Variants in C1orf185 observed in about 807,000 individuals in gnomAD.
The protein encoded by C1orf185 is uncharacterized protein C1orf185.
In C1orf185, 13 loss-of-function variants were observed where a neutral mutation model predicts 16.1. The ratio of observed to expected loss-of-function variants is 0.81; its 90% CI spans 0.53 to 1.28. The LOEUF (loss-of-function observed/expected upper bound fraction) is 1.28. Ranked by LOEUF, C1orf185 falls within the 50% of genes most tolerant of loss-of-function variation. The pLI is 0.00. For missense variants in C1orf185, 220 were observed against 225.2 expected, an observed-to-expected ratio of 0.98 and a Z score of 0.15; for synonymous variants, 80 against 76.9, an observed-to-expected ratio of 1.04 and a Z score of -0.21.
chr1:51,149,975 G>A (rs1380705555), downstream of C1orf185, among the ~76,000 whole-genome samples: 4 of 152,098 alleles, frequency 2.6e-5, no homozygotes, highest in South Asian at 4.1e-4. Context: ...CCACAGTCCC[G>A]AAGGCCTAGC....
rs35232347 is a variant in C1orf185 at position 51,111,370 on chromosome 1, C to CTTTTTTTTTTTTTTTTTTTTTTTTTT, written c.17-1091_17-1090insTTTTTTTTTTTTTTTTTTTTTTTTTT. 5.9e-4 allele frequency among the ~76,000 whole-genome samples: 67 copies of CTTTTTTTTTTTTTTTTTTTTTTTTTT among 114,402 alleles called. 6 individuals carry two copies. Among genetic ancestry groups the CTTTTTTTTTTTTTTTTTTTTTTTTTT allele is most frequent in the African/African-American group, 9.1e-4 (25 of 27,348 alleles). The allele number at this position is 114,402 out of a possible 152,430, so 75.1% of individuals were successfully genotyped here. A position where few individuals can be genotyped will look rare whatever the true frequency, so the allele number is the denominator to read the frequency against. On this transcript the variant is annotated intron_variant, in intron 1 of 4. Transcript: ENST00000371759. The stretch of plus-strand genomic sequence containing the variant: ...ATATTGCTTTCATTTAGCTTTCTTT[C>CTTTTTTTTTTTTTTTTTTTTTTTTTT]TTTCTTTTTTTTTTTTTTTGAGAGA...
chr1:51,121,520 GA>G (rs937188679), intron 3 of C1orf185, among the ~76,000 whole-genome samples: 10 of 151,760 alleles, frequency 6.6e-5, no homozygotes, highest in South Asian at 2.1e-4. Context: ...ACTAGAATAA[GA>G]AAAAAAATAG....
intron 3 of C1orf185, among the ~76,000 whole-genome samples, chr1:51,126,284 G>T (rs1429490263): frequency 3.3e-5 from 5 of 152,084 alleles, no homozygotes; most frequent in Non-Finnish European, 7.4e-5. Flanking sequence ...ATTTTTTTGA[G>T]ACAGGGTCTT....
chr1:51,111,318 G>A (rs72892454), intron 1 of C1orf185, among the ~76,000 whole-genome samples: 11,350 of 145,892 alleles, frequency 0.078, 1,303 homozygotes, highest in African/African-American at 0.25. Flanking sequence ...TTTTCCAATT[G>A]TAAAATTGGT....
intron 3 of C1orf185, among the ~76,000 whole-genome samples, chr1:51,119,445 A>C (rs1557645768): frequency 6.6e-6 from 1 of 152,236 alleles, no homozygotes; most frequent in South Asian, 2.1e-4. Flanking sequence ...TCAGAGTTTC[A>C]CTATATATCT....
chr1:51,131,165 A>T (rs1488996815), intron 3 of C1orf185, among the ~76,000 whole-genome samples: 1 of 152,246 alleles, frequency 6.6e-6, no homozygotes, highest in Non-Finnish European at 1.5e-5. Context: ...GGCCTCCCAA[A>T]GTGCTGGGAT....
intron 3 of C1orf185, among the ~76,000 whole-genome samples, chr1:51,145,080 TACA>T (rs1646389812): frequency 6.6e-6 from 1 of 152,176 alleles, no homozygotes; most frequent in Non-Finnish European, 1.5e-5. Flanking sequence ...TGAGAACTAC[TACA>T]ACACTATACT....
In C1orf185 at chr1:51,119,638, T is replaced by A. The variant is rs190230186; in HGVS notation, c.258+837T>A. On this transcript the variant is annotated intron_variant, in intron 3 of 4. Coordinates refer to ENST00000371759, the MANE Select transcript of C1orf185 (RefSeq NM_001136508.2). ...CGAAACCCTATCTCTATAAAAATTT[T>A]AAAAATAAAAAAGTAGTTGGATGTA... Among the ~76,000 whole-genome samples the A allele has an allele frequency of 2.0e-3, 309 of 152,284 alleles. 3 individuals carry two copies. Among genetic ancestry groups the A allele is most frequent in the African/African-American group, 7.1e-3 (295 of 41,556 alleles).
At chr1:51,138,515 C>T (rs1159636339) in intron 3 of C1orf185, among the ~76,000 whole-genome samples, 2 of 151,808 alleles carry the variant, frequency 1.3e-5, no homozygotes, top group Non-Finnish European at 2.9e-5. Context: ...GCCTCAGCCT[C>T]CTGAGTAGCT....
intron 2 of C1orf185, among the ~76,000 whole-genome samples, chr1:51,118,269 G>A (rs1341414107): frequency 6.6e-6 from 1 of 152,184 alleles, no homozygotes; most frequent in Non-Finnish European, 1.5e-5. Context: ...TGACCAATGA[G>A]TTGCATTTTA....
At chr1:51,121,494 C>T (rs1352439564) in intron 3 of C1orf185, among the ~76,000 whole-genome samples, 3 of 152,038 alleles carry the variant, frequency 2.0e-5, no homozygotes, top group African/African-American at 7.2e-5. Flanking sequence ...TATTCAGTGA[C>T]AGGAACCTCA....
intron 1 of C1orf185, among the ~76,000 whole-genome samples, chr1:51,106,760 A>ATTTTT (rs1188472569): frequency 7.1e-6 from 1 of 140,612 alleles, no homozygotes; most frequent in African/African-American, 2.6e-5. Flanking sequence ...CAGATCTGTA[A>ATTTTT]TTTTTTTTTT....
intron 3 of C1orf185, among the ~76,000 whole-genome samples, chr1:51,119,665 T>C (rs181889589): frequency 6.6e-6 from 1 of 152,312 alleles, no homozygotes; most frequent in East Asian, 1.9e-4. Context: ...TTGGATGTAG[T>C]GGCTCATGCC....
At chr1:51,133,474 A>G (rs1253716301) in intron 3 of C1orf185, among the ~76,000 whole-genome samples, 1 of 152,244 alleles carries the variant, frequency 6.6e-6, no homozygotes, top group Non-Finnish European at 1.5e-5. Context: ...ATTACATAAT[A>G]GTAAAGAGTT....
intron 3 of C1orf185, among the ~76,000 whole-genome samples, chr1:51,122,743 T>A (rs1267204058): frequency 6.6e-6 from 1 of 152,228 alleles, no homozygotes; most frequent in East Asian, 1.9e-4. Flanking sequence ...CTCTGATTTA[T>A]CCCTCCCTCT....
intron 3 of C1orf185, among the ~76,000 whole-genome samples, chr1:51,143,111 CAAGAT>C (rs1646376811): frequency 6.6e-6 from 1 of 151,930 alleles, no homozygotes; most frequent in African/African-American, 2.4e-5. Flanking sequence ...ATCGCACAAT[CAAGAT>C]GTTTGTTTTT....
intron 2 of C1orf185, among the ~76,000 whole-genome samples, chr1:51,116,457 G>A (rs1308916246): frequency 6.6e-6 from 1 of 151,920 alleles, no homozygotes; most frequent in Non-Finnish European, 1.5e-5. Flanking sequence ...GGGGCTACAG[G>A]TGCATGCCAA....
rs76431948 is a variant in C1orf185 at position 51,147,573 on chromosome 1, C to A, written c.402C>A (p.Ser134Arg). Reference protein sequence around the residue: ...STTNRSSVTLSLSTLPSDSYY... With the variant: ...STTNRSSVTLRLSTLPSDSYY... ...CAAATCGCAGCAGTGTTACATTAAG[C>A]TTATCAACATTACCATCTGATTCTT... The change falls in exon 5 of 5, where the codon AGC becomes AGA. Residue 134 changes from serine to arginine, a missense_variant. Ser to Arg is a moderately radical substitution (Grantham distance 110). Transcript: ENST00000371759. 7,996 of 1,551,572 alleles carry A rather than the reference C, an allele frequency of 5.2e-3. 33 individuals carry two copies. The highest frequency in any genetic ancestry group is 6.6e-3 in the Non-Finnish European group (7,601 of 1,146,900).
At chr1:51,146,098 A>G (rs1646397228) in intron 4 of C1orf185, among the ~76,000 whole-genome samples, 1 of 152,192 alleles carries the variant, frequency 6.6e-6, no homozygotes, top group Non-Finnish European at 1.5e-5. Flanking sequence ...ACATAATTTT[A>G]GAGATGCTGA....
Sources: gnomAD v4.1 joint callset for allele counts (sites outside exome capture counted in the v4.1 genomes callset) on GRCh38, gnomAD v4.1.1 for gene constraint, MANE v1.5 for transcripts, NCBI Gene and HGNC (gene_info 2026-07-23, HGNC 2026-07-21) for gene names.